GRAMD4: variants seen among roughly 807,000 people sequenced by gnomAD.
GRAMD4 encodes the protein GRAM domain containing 4, also known as GRAM domain-containing protein 4.
In GRAMD4, 25 loss-of-function variants were observed where a neutral mutation model predicts 83.9. That is an observed-to-expected ratio of 0.30 (90% CI 0.22 to 0.42). The LOEUF (loss-of-function observed/expected upper bound fraction) is 0.42. Ranked by LOEUF, GRAMD4 falls within the 10% of genes least tolerant of loss-of-function variation. The pLI is 1.00. For missense variants in GRAMD4, 593 were observed against 788.7 expected, an observed-to-expected ratio of 0.75 and a Z score of 2.97; for synonymous variants, 336 against 320.9, an observed-to-expected ratio of 1.05 and a Z score of -0.50.
At chr22:46,675,810 A>G (rs2082588914) in intron 17 of GRAMD4, among the ~76,000 whole-genome samples, 1 of 152,154 alleles carries the variant, frequency 6.6e-6, no homozygotes, top group African/African-American at 2.4e-5. Flanking sequence ...TCAGGACCCA[A>G]GCCCCACTCT....
At chr22:46,631,226 C>T (rs928303648) in intron 2 of GRAMD4, among the ~76,000 whole-genome samples, 1 of 152,222 alleles carries the variant, frequency 6.6e-6, no homozygotes, top group Non-Finnish European at 1.5e-5. Context: ...GAGCACATGC[C>T]CTCTGTTGTG....
intron 3 of GRAMD4, among the ~76,000 whole-genome samples, chr22:46,657,462 G>A (rs961591349): frequency 6.6e-6 from 1 of 152,208 alleles, no homozygotes; most frequent in African/African-American, 2.4e-5. Context: ...TGGTAGAAGT[G>A]TCCTGACTGC....
chr22:46,620,567 TAGGGGGCAGGGGGC>T lies in GRAMD4; in HGVS notation c.-50+16_-50+29del, dbSNP rs555996024. On this transcript the variant is annotated splice_donor_5th_base_variant and intron_variant, in intron 1 of 18. Coordinates refer to ENST00000406902, the MANE Select transcript of GRAMD4 (RefSeq NM_015124.5). This position sits in a 1 kb window ranked among gnomAD's most constrained non-coding sequence, Gnocchi z 4.7. Reference sequence around the variant, plus strand: ...TGGATGTATCTGAGACAGACGGAGGTAGGGGGCAGGGGGCAGGGGGCAGGGGGACATGGTAGGGC... The same window carrying T: ...TGGATGTATCTGAGACAGACGGAGGTAGGGGGCAGGGGGACATGGTAGGGC... 2.0e-4 allele frequency: 23 copies of T among 115,876 alleles called. No homozygotes were observed. The highest frequency in any genetic ancestry group is 4.0e-3 in the Middle Eastern group (1 of 248). 7.2% of individuals were successfully genotyped at this position (115,876 alleles called of 1,614,324 possible).
intron 1 of GRAMD4, among the ~76,000 whole-genome samples, chr22:46,626,250 G>A (rs143159046): frequency 4.2e-4 from 64 of 152,368 alleles, no homozygotes; most frequent in Non-Finnish European, 7.6e-4. Context: ...CGTGGCTGCC[G>A]TCCTGGTGGT....
chr22:46,668,453 G>A (rs529554301), intron 11 of GRAMD4, among the ~76,000 whole-genome samples: 1 of 152,184 alleles, frequency 6.6e-6, no homozygotes, highest in South Asian at 2.1e-4. Flanking sequence ...CACCGCCCCT[G>A]GCCAGGGTTG....
chr22:46,580,460 G>A (rs2081086312), intron 1 of GRAMD4, among the ~76,000 whole-genome samples: 1 of 152,260 alleles, frequency 6.6e-6, no homozygotes, highest in Non-Finnish European at 1.5e-5. Context: ...TCCACCGTCA[G>A]GTGTGGCTGG....
chr22:46,635,948 C>T (rs913401568), intron 2 of GRAMD4, among the ~76,000 whole-genome samples: 2 of 152,192 alleles, frequency 1.3e-5, no homozygotes, highest in South Asian at 2.1e-4. Context: ...TTGCAGTGTG[C>T]CTCCTCCTGG....
chr22:46,672,993 G>A lies in GRAMD4; in HGVS notation c.1235G>A (p.Arg412His), dbSNP rs755919298. 4 of 1,594,108 alleles carry A rather than the reference G, an allele frequency of 2.5e-6. No homozygotes were observed. The South Asian group carries it at 4.5e-5, about 18-fold the overall frequency. ...GAGCGCTCCAGCGCCGCAGTCTCAC[G>A]CAGGGTGAGCCCGGCCCCCAGCTGC... ...LKERSSAAVSRRLQTTSSRSY... is the reference protein window; with the variant it reads ...LKERSSAAVSHRLQTTSSRSY... The change falls in exon 14 of 19, where the codon CGC becomes CAC. Residue 412 changes from arginine to histidine, a missense_variant. Transcript: ENST00000406902. The surrounding 1 kb of genome is among the most constrained non-coding windows in gnomAD (Gnocchi z 4.7).
Position 46,672,838 on chromosome 22 carries a change from C to T in GRAMD4, c.1085-5C>T. 2 of 1,610,520 alleles carry T rather than the reference C, an allele frequency of 1.2e-6. No individual in the cohort carries two copies. Among genetic ancestry groups the T allele is most frequent in the Middle Eastern group, 1.7e-4 (1 of 6,052 alleles). On this transcript the variant is annotated splice_region_variant and splice_polypyrimidine_tract_variant and intron_variant, in intron 13 of 18. Coordinates refer to ENST00000406902, the MANE Select transcript of GRAMD4 (RefSeq NM_015124.5). The surrounding 1 kb of genome is among the most constrained non-coding windows in gnomAD (Gnocchi z 4.7). ...GATGGAGCAGGCTGTGTCCCCTGCC[C>T]TCAGGACTCTATGCTGGTATCAAGT...
intron 13 of GRAMD4, among the ~76,000 whole-genome samples, chr22:46,669,772 T>A (rs928154323): frequency 1.2e-4 from 18 of 152,094 alleles, no homozygotes; most frequent in African/African-American, 4.3e-4. Flanking sequence ...AGAGACGGGG[T>A]TTCACCTTAT....
intron 1 of GRAMD4, among the ~76,000 whole-genome samples, chr22:46,625,994 G>A (rs1169164831): frequency 6.6e-6 from 1 of 152,268 alleles, no homozygotes; most frequent in African/African-American, 2.4e-5. Context: ...AGGCCCAGCT[G>A]GCCATGGGTG....
chr22:46,631,277 C>G (rs990823889), intron 2 of GRAMD4, among the ~76,000 whole-genome samples: 2 of 152,242 alleles, frequency 1.3e-5, no homozygotes, highest in African/African-American at 4.8e-5. Context: ...CCTCCAGAAC[C>G]TTTCGTCATC....
intron 1 of GRAMD4, among the ~76,000 whole-genome samples, chr22:46,589,114 C>A (rs991292028): frequency 6.6e-6 from 1 of 151,992 alleles, no homozygotes; most frequent in African/African-American, 2.4e-5. Flanking sequence ...GGGCGACACT[C>A]CCCAGCCTGC....
intron 1 of GRAMD4, among the ~76,000 whole-genome samples, chr22:46,583,995 G>A (rs193273846): frequency 2.0e-5 from 3 of 152,254 alleles, no homozygotes; most frequent in East Asian, 1.9e-4. Flanking sequence ...TTATGCAGCC[G>A]CTTACTTATC....
Position 46,677,958 on chromosome 22 carries a change from G to C in GRAMD4, c.*707G>C, listed in dbSNP as rs551597677. The C allele has an allele frequency of 5.9e-5, 58 of 985,380 alleles. No homozygotes were observed. In the African/African-American group the frequency reaches 8.9e-4, roughly 15 times the overall value. The allele number at this position is 985,380 out of a possible 1,614,324, so 61.0% of individuals were successfully genotyped here. On this transcript the variant is annotated 3_prime_UTR_variant, in exon 19 of 19. Transcript: ENST00000406902. ...TCCTTGCTGGCCTCCAGGGCGCTCA[G>C]CACCGCGTCTGTAAGGGCCTGCCTG...
At chr22:46,663,432 G>A (rs1025124695) in intron 6 of GRAMD4, among the ~76,000 whole-genome samples, 5 of 152,212 alleles carry the variant, frequency 3.3e-5, no homozygotes, top group African/African-American at 1.2e-4. Flanking sequence ...GGGACTCATG[G>A]GGCTCAGCCC....
At chr22:46,680,331 G>A (rs1013806381), downstream of GRAMD4, among the ~76,000 whole-genome samples, 27 of 152,120 alleles carry the variant, frequency 1.8e-4, no homozygotes, top group Admixed American at 1.7e-3. Flanking sequence ...TGTGCCAGGT[G>A]CACCTGGTGC....
chr22:46,584,581 G>A (rs886095140), intron 1 of GRAMD4, among the ~76,000 whole-genome samples: 3 of 152,182 alleles, frequency 2.0e-5, no homozygotes, highest in Non-Finnish European at 2.9e-5. Context: ...TGTCTGCGTA[G>A]TGGGACTGGA....
intron 1 of GRAMD4, among the ~76,000 whole-genome samples, chr22:46,625,477 G>A (rs1421560705): frequency 6.6e-6 from 1 of 152,220 alleles, no homozygotes; most frequent in Non-Finnish European, 1.5e-5. Flanking sequence ...ATCACTCCCC[G>A]CCCCATCTCC....
Sources: allele counts gnomAD v4.1 joint callset (sites outside exome capture counted in the v4.1 genomes callset), GRCh38; gene constraint gnomAD v4.1.1; non-coding constraint Gnocchi (gnomAD v3.1); transcripts MANE v1.5; gene names NCBI Gene and HGNC (gene_info 2026-07-23, HGNC 2026-07-21).